AKT3: variants seen among roughly 807,000 people sequenced by gnomAD.
The protein encoded by AKT3 is RAC-gamma serine/threonine-protein kinase.
A neutral mutation model predicts 65.3 loss-of-function variants in AKT3; 15 were observed. The observed-to-expected ratio is 0.23, with a 90% CI of 0.15 to 0.35. AKT3 has a LOEUF of 0.35. Ranked by LOEUF, AKT3 falls within the 10% of genes least tolerant of loss-of-function variation. AKT3 has a pLI of 1.00. For synonymous variants in AKT3, 206 were observed against 183.8 expected (o/e 1.12, Z -0.98); for missense variants, 243 against 576.5 (o/e 0.42, Z 5.92).
At chr1:243,526,694 AT>A (rs773224622) in intron 12 of AKT3, among the ~76,000 whole-genome samples, 3 of 151,370 alleles carry the variant, frequency 2.0e-5, no homozygotes, top group Non-Finnish European at 2.9e-5. Flanking sequence ...TTCAGTAAAA[AT>A]ATCCTTTAAG....
intron 2 of AKT3, among the ~76,000 whole-genome samples, chr1:243,738,009 C>G (rs1687941233): frequency 6.6e-6 from 1 of 152,180 alleles, no homozygotes; most frequent in Non-Finnish European, 1.5e-5. Flanking sequence ...GACTACATCC[C>G]TGGCCCAGAG....
rs1308768570 is a variant in AKT3 at position 243,764,105 on chromosome 1, A to G, written c.47-68389T>C. 2.0e-5 allele frequency among the ~76,000 whole-genome samples: 3 copies of G among 152,116 alleles called. No individual in the cohort carries two copies. In the East Asian group the frequency reaches 5.8e-4, roughly 29 times the overall value. On this transcript the variant is annotated intron_variant, in intron 2 of 13. Coordinates refer to ENST00000673466, the MANE Select transcript of AKT3 (RefSeq NM_005465.7). ...ATTACAATCATATAAATTTTGGTAA[A>G]ATTCCAAACTTTAAAAATAAAAACA... is the stretch of plus-strand genomic sequence containing the variant.
At chr1:243,649,028 T>G (rs1429683344) in intron 4 of AKT3, among the ~76,000 whole-genome samples, 1 of 152,102 alleles carries the variant, frequency 6.6e-6, no homozygotes, top group African/African-American at 2.4e-5. Context: ...TACAGGTATT[T>G]AAGGCTACAA....
chr1:243,505,933 G>C (rs1257779796), intron 13 of AKT3, among the ~76,000 whole-genome samples: 2 of 152,226 alleles, frequency 1.3e-5, no homozygotes, highest in Non-Finnish European at 2.9e-5. Context: ...AGCTCATCAG[G>C]AAACAATGGA....
chr1:243,492,707 A>G (rs1225137214), intron 13 of AKT3, among the ~76,000 whole-genome samples: 3 of 145,940 alleles, frequency 2.1e-5, no homozygotes, highest in Non-Finnish European at 4.5e-5. Flanking sequence ...TCCTGGGTTC[A>G]AGCAATTCTC....
intron 4 of AKT3, among the ~76,000 whole-genome samples, chr1:243,656,114 G>C (rs528028320): frequency 2.0e-5 from 3 of 149,022 alleles, no homozygotes; most frequent in South Asian, 2.1e-4. Flanking sequence ...GGGGGGGTGT[G>C]GGGGGGTAAT....
At chr1:243,838,548 A>C (rs1292072342) in intron 2 of AKT3, among the ~76,000 whole-genome samples, 4 of 152,204 alleles carry the variant, frequency 2.6e-5, no homozygotes, top group Non-Finnish European at 4.4e-5. Context: ...CTGGACTTAG[A>C]TAAACACTCA....
chr1:243,618,461 G>A (rs1402709033), intron 6 of AKT3, among the ~76,000 whole-genome samples: 4 of 152,040 alleles, frequency 2.6e-5, no homozygotes. Flanking sequence ...ACAGTTAAAA[G>A]CAACATGTCA....
chr1:243,576,014 ATT>A (rs982893005), intron 8 of AKT3, among the ~76,000 whole-genome samples: 1 of 151,994 alleles, frequency 6.6e-6, no homozygotes, highest in Non-Finnish European at 1.5e-5. Context: ...AAGAGCATGA[ATT>A]TTTTTTCTGT....
At chr1:243,628,870 TGATG>T (rs1197905636) in intron 6 of AKT3, among the ~76,000 whole-genome samples, 1 of 152,228 alleles carries the variant, frequency 6.6e-6, no homozygotes, top group African/African-American at 2.4e-5. Flanking sequence ...CTCCTTGCAA[TGATG>T]GATGAACTAA....
At chr1:243,517,406 A>T (rs1670436482) in intron 12 of AKT3, among the ~76,000 whole-genome samples, 1 of 152,164 alleles carries the variant, frequency 6.6e-6, no homozygotes, top group Admixed American at 6.5e-5. Context: ...TTGAAGATGG[A>T]TATTGAACTG....
In AKT3 at chr1:243,674,244, A is replaced by T. The variant is rs142549010; in HGVS notation, c.173-9361T>A. ...TTGGTAAATAACTAATTAAGACTAA[A>T]TATTGCATAGTGCCAACATGTCAAA... On this transcript the variant is annotated intron_variant, in intron 3 of 13. Coordinates refer to ENST00000673466, the MANE Select transcript of AKT3 (RefSeq NM_005465.7). 1.1e-3 allele frequency among the ~76,000 whole-genome samples: 162 copies of T among 152,332 alleles called. 4 individuals carry two copies. In the East Asian group the frequency reaches 0.026, roughly 25 times the overall value.
chr1:243,607,527 C>A (rs1030847952), intron 8 of AKT3, among the ~76,000 whole-genome samples: 1 of 152,154 alleles, frequency 6.6e-6, no homozygotes, highest in Non-Finnish European at 1.5e-5. Flanking sequence ...ATGCCTGTAC[C>A]CCCATTGTAT....
intron 8 of AKT3, among the ~76,000 whole-genome samples, chr1:243,592,813 TTC>T (rs1468519430): frequency 1.3e-5 from 2 of 152,214 alleles, no homozygotes; most frequent in Non-Finnish European, 2.9e-5. Flanking sequence ...TTAATTTTTC[TTC>T]TGTTTTAAAT....
intron 2 of AKT3, among the ~76,000 whole-genome samples, chr1:243,783,603 T>G (rs1691050746): frequency 6.6e-6 from 1 of 152,132 alleles, no homozygotes; most frequent in Admixed American, 6.5e-5. Flanking sequence ...AAAAGTTAAC[T>G]TAAAAAATTT....
intron 8 of AKT3, among the ~76,000 whole-genome samples, chr1:243,603,615 T>A (rs1164375015): frequency 6.6e-6 from 1 of 152,184 alleles, no homozygotes; most frequent in Non-Finnish European, 1.5e-5. Context: ...TTCCTGGGTT[T>A]TAACACTGCT....
At chr1:243,537,935 T>G (rs1016628178) in intron 12 of AKT3, among the ~76,000 whole-genome samples, 9 of 152,200 alleles carry the variant, frequency 5.9e-5, no homozygotes, top group Non-Finnish European at 1.3e-4. Flanking sequence ...AAACACATTT[T>G]TCCATGAATT....
chr1:243,761,704 T>C (rs1572296690), intron 2 of AKT3, among the ~76,000 whole-genome samples: 1 of 152,100 alleles, frequency 6.6e-6, no homozygotes, highest in Admixed American at 6.5e-5. Flanking sequence ...AAATGACAAC[T>C]ACAAGCAAAG....
chr1:243,695,831 T>C (rs543060485), intron 2 of AKT3, 115 bp from the exon 3 acceptor site: 46 of 866,726 alleles, frequency 5.3e-5, no homozygotes, highest in Admixed American at 1.3e-4. Context: ...AAAATTTAGT[T>C]ACTCAATTTT....
Sources: allele counts gnomAD v4.1 joint callset (sites outside exome capture counted in the v4.1 genomes callset), GRCh38; gene constraint gnomAD v4.1.1; transcripts MANE v1.5; gene names NCBI Gene and HGNC (gene_info 2026-07-23, HGNC 2026-07-21).